The following SDF2 variants were observed in gnomAD, a reference collection of about 807,000 sequenced individuals.
The protein encoded by SDF2 is stromal cell derived factor 2, also known as stromal cell-derived factor 2.
SDF2 carries 12 observed loss-of-function variants against 20.5 expected under a neutral mutation model. That is an observed-to-expected ratio of 0.58 (90% CI 0.37 to 0.95). The LOEUF (loss-of-function observed/expected upper bound fraction) is 0.95. SDF2 is among the 40% of genes least tolerant of loss of function. The pLI, the probability that SDF2 is intolerant of heterozygous loss-of-function variation, is 0.01. For synonymous variants in SDF2, 100 were observed against 101.0 expected, an observed-to-expected ratio of 0.99 and a Z score of 0.06; for missense variants, 238 against 263.1, an observed-to-expected ratio of 0.90 and a Z score of 0.66.
In SDF2 at chr17:28,648,356, T is replaced by C. The variant is rs1034568370; in HGVS notation, c.*633A>G. On this transcript the variant is annotated 3_prime_UTR_variant, in exon 3 of 3. Transcript: ENST00000247020. ...AACAGATACAAAGCAAACATTTCACTGGCTATTTATTATGCTGTATTCTCT... is the reference window on the plus strand; with the variant it reads ...AACAGATACAAAGCAAACATTTCACCGGCTATTTATTATGCTGTATTCTCT... The C allele has an allele frequency of 2.6e-5, 4 of 152,682 alleles. No homozygotes were observed. Among genetic ancestry groups the C allele is most frequent in the African/African-American group, 9.6e-5 (4 of 41,476 alleles). The allele number at this position is 152,682 out of a possible 1,614,324, so 9.5% of individuals were successfully genotyped here.
rs938789156 is a variant in SDF2, at chr17:28,661,899, A to T, written c.-23T>A. On this transcript the variant is annotated 5_prime_UTR_variant, in exon 1 of 3. Coordinates refer to ENST00000247020, the MANE Select transcript of SDF2 (RefSeq NM_006923.4). ...CATCCTAACTGTATCGCGGAGCCCC[A>T]AATCTTCGAAGAAAACTCGGCCCCT... 1 of 1,584,094 alleles carries T rather than the reference A, an allele frequency of 6.3e-7. No individual in the cohort carries two copies. Among genetic ancestry groups the T allele is most frequent in the East Asian group, 2.3e-5 (1 of 44,130 alleles).
At chr17:28,650,298 A>G (rs982179099) in intron 2 of SDF2, among the ~76,000 whole-genome samples, 13 of 152,154 alleles carry the variant, frequency 8.5e-5, no homozygotes, top group Non-Finnish European at 1.8e-4. Context: ...GACGAAAGAC[A>G]TAAAGGACAT....
At chr17:28,661,042 TC>T in intron 1 of SDF2, 1 of 370,338 alleles carries the variant, frequency 2.7e-6, no homozygotes, top group South Asian at 2.0e-5. Flanking sequence ...GCTGAATGAA[TC>T]CACAAATAAT....
chr17:28,655,760 G>C, intron 1 of SDF2: 1 of 508,084 alleles, frequency 2.0e-6, no homozygotes, highest in Non-Finnish European at 3.5e-6. Context: ...CAAATGTGAA[G>C]AGCCTATGTA....
Position 28,661,771 on chromosome 17 carries a change from G to A in SDF2, c.106C>T (p.Arg36Cys). ...CGSVVKLLNT[R>C]HNVRLHSHDV... ...TGTGAGTGCAGTCGGACGTTGTGGC[G>A]CGTATTGAGTAGCTTCACCACGGAG... The change falls in exon 1 of 3, where the codon CGC becomes TGC. Residue 36 changes from arginine to cysteine, a missense_variant. Coordinates refer to ENST00000247020, the MANE Select transcript of SDF2 (RefSeq NM_006923.4). 1 of 1,614,028 alleles carries A rather than the reference G, an allele frequency of 6.2e-7. No individual in the cohort carries two copies. The highest frequency in any genetic ancestry group is 1.1e-5 in the South Asian group (1 of 91,070).
chr17:28,650,095 G>A (rs1317256874), intron 2 of SDF2, among the ~76,000 whole-genome samples: 1 of 152,038 alleles, frequency 6.6e-6, no homozygotes, highest in East Asian at 1.9e-4. Context: ...TGGGATTACA[G>A]GCATGTGCCA....
intron 1 of SDF2, among the ~76,000 whole-genome samples, 160 bp downstream of exon 1, chr17:28,661,566 T>C (rs2072043592): frequency 6.6e-6 from 1 of 152,218 alleles, no homozygotes; most frequent in Non-Finnish European, 1.5e-5. Context: ...GCGATTAAGA[T>C]GCCTTAGAAC....
chr17:28,649,585 T>C (rs1404951119), intron 2 of SDF2, among the ~76,000 whole-genome samples: 1 of 151,764 alleles, frequency 6.6e-6, no homozygotes, highest in African/African-American at 2.4e-5. Context: ...AAATACAAAA[T>C]TAGCTGGGTG....
chr17:28,660,300 G>A (rs1290354876), intron 1 of SDF2, among the ~76,000 whole-genome samples: 1 of 152,258 alleles, frequency 6.6e-6, no homozygotes, highest in Non-Finnish European at 1.5e-5. Context: ...CAATTGTTGA[G>A]GGTCAGGACA....
chr17:28,657,317 G>C (rs766438410), intron 1 of SDF2, among the ~76,000 whole-genome samples: 12 of 152,064 alleles, frequency 7.9e-5, no homozygotes, highest in African/African-American at 2.9e-4. Flanking sequence ...GGGAAGGTGA[G>C]GGGAGGATCC....
intron 2 of SDF2, among the ~76,000 whole-genome samples, chr17:28,650,297 C>T (rs1227993412): frequency 6.6e-6 from 1 of 150,710 alleles, no homozygotes. Context: ...AGACGAAAGA[C>T]ATAAAGGACA....
At position 28,656,740 on chromosome 17, in the gene SDF2, T is replaced by C. The variant is rs1021242235; in HGVS notation, c.152-1257A>G. On this transcript the variant is annotated intron_variant, in intron 1 of 2. Coordinates refer to ENST00000247020, the MANE Select transcript of SDF2 (RefSeq NM_006923.4). The stretch of plus-strand genomic sequence containing the variant: ...TGTGAGTTTTTTGAGGCACAGGCAG[T>C]GGTAACCTATACACACTAGCCTGGA... 1.5e-4 allele frequency among the ~76,000 whole-genome samples: 23 copies of C among 152,332 alleles called. No individual in the cohort carries two copies. In the East Asian group the frequency reaches 4.4e-3, roughly 29 times the overall value.
chr17:28,651,060 G>A (rs555375760), intron 2 of SDF2, among the ~76,000 whole-genome samples: 10 of 151,606 alleles, frequency 6.6e-5, no homozygotes, highest in South Asian at 2.1e-4. Context: ...GTGAGCCACC[G>A]TGCTGGCTTT....
In SDF2 at chr17:28,658,787, T is replaced by C. The variant is rs563995494; in HGVS notation, c.151+2939A>G. ...TCGCTGTCTCTTCGGTGCTGTTGGG[T>C]ACACCTGCAGAAAGGCTGTCACTTC... On this transcript the variant is annotated intron_variant, in intron 1 of 2. Transcript: ENST00000247020. 8.5e-5 allele frequency among the ~76,000 whole-genome samples: 13 copies of C among 152,310 alleles called. No individual in the cohort carries two copies. The East Asian group carries it at 1.7e-3, about 20-fold the overall frequency.
chr17:28,649,344 G>A, intron 2 of SDF2, 68 bp from the exon 3 acceptor site: 1 of 1,499,106 alleles, frequency 6.7e-7, no homozygotes. Context: ...GGGAGGCAAT[G>A]GGAAGAAAAA....
intron 1 of SDF2, chr17:28,660,881 TTTTAAC>T (rs1476374584): frequency 1.2e-5 from 2 of 164,784 alleles, no homozygotes; most frequent in Non-Finnish European, 2.7e-5. Flanking sequence ...CATTCTTTTT[TTTTAAC>T]TTTATCTTTT....
Position 28,648,794 on chromosome 17 carries a change from G to A in SDF2, c.*195C>T, listed in dbSNP as rs940513582. ...CTCTACTCAGAAAGAACTGACCCAC[G>A]CAAGTCTGGGAGAGTGACTAGTTCA... On this transcript the variant is annotated 3_prime_UTR_variant, in exon 3 of 3. Coordinates refer to ENST00000247020, the MANE Select transcript of SDF2 (RefSeq NM_006923.4). 9 of 611,432 alleles carry A rather than the reference G, an allele frequency of 1.5e-5. No homozygotes were observed. The highest frequency in any genetic ancestry group is 5.5e-5 in the East Asian group (2 of 36,132). 37.9% of individuals were successfully genotyped at this position (611,432 alleles called of 1,614,324 possible). A position where few individuals can be genotyped will look rare whatever the true frequency, so the allele number is the denominator to read the frequency against.
chr17:28,657,383 A>C (rs1175419102), intron 1 of SDF2, among the ~76,000 whole-genome samples: 1 of 151,880 alleles, frequency 6.6e-6, no homozygotes, highest in Non-Finnish European at 1.5e-5. Flanking sequence ...GCAGTCTCTA[A>C]ACGTACATAT....
At chr17:28,661,156 G>A (rs1218166558) in intron 1 of SDF2, 5 of 453,546 alleles carry the variant, frequency 1.1e-5, no homozygotes, top group Non-Finnish European at 2.2e-5. Flanking sequence ...CAAGAAGGAG[G>A]TTAAGGTTTG....
Sources: allele counts gnomAD v4.1 joint callset (sites outside exome capture counted in the v4.1 genomes callset), GRCh38; gene constraint gnomAD v4.1.1; transcripts MANE v1.5; gene names NCBI Gene and HGNC (gene_info 2026-07-23, HGNC 2026-07-21).